GPR107: variants seen among roughly 807,000 people sequenced by gnomAD.
GPR107 encodes the protein protein GPR107.
A neutral mutation model predicts 75.5 loss-of-function variants in GPR107; 31 were observed. The ratio of observed to expected loss-of-function variants is 0.41; its 90% confidence interval spans 0.31 to 0.55. GPR107 has a LOEUF of 0.55. Among genes scored for constraint, GPR107 ranks in the 20% least tolerant of loss-of-function variants. The pLI is 0.26. For synonymous variants in GPR107, 267 were observed against 251.3 expected (o/e 1.06, Z -0.59); for missense variants, 572 against 665.7 (o/e 0.86, Z 1.55).
At chr9:130,113,771 G>A (rs1346930162) in intron 14 of GPR107, among the ~76,000 whole-genome samples, 4 of 152,138 alleles carry the variant, frequency 2.6e-5, no homozygotes, top group African/African-American at 9.7e-5. Context: ...AAAGTTCATT[G>A]ATAAATTTCA....
At chr9:130,087,600 A>C (rs1589501770) in intron 7 of GPR107, among the ~76,000 whole-genome samples, 1 of 152,100 alleles carries the variant, frequency 6.6e-6, no homozygotes, top group East Asian at 1.9e-4. Context: ...CAGGAGTTCA[A>C]GACTATCCTG....
chr9:130,094,225 A>G (rs1164648751), intron 9 of GPR107, among the ~76,000 whole-genome samples: 2 of 152,120 alleles, frequency 1.3e-5, no homozygotes, highest in Non-Finnish European at 2.9e-5. Context: ...TGGGCGGATC[A>G]TGAGGTCAGG....
rs1489695580 is a variant in GPR107 at position 130,133,890 on chromosome 9, A to G, written c.1563-1135A>G. Among the ~76,000 whole-genome samples the G allele has an allele frequency of 2.6e-5, 4 of 152,220 alleles. No individual in the cohort carries two copies. In the East Asian group the frequency reaches 5.8e-4, roughly 22 times the overall value. ...AATGAAGAGATGAAGAAGAGGGGGA[A>G]GTTTTCTTCCCTTACCCCATACAAA... On this transcript the variant is annotated intron_variant, in intron 17 of 17. Coordinates refer to ENST00000347136, the MANE Select transcript of GPR107 (RefSeq NM_020960.5).
At chr9:130,086,832 A>G (rs1405257456) in intron 7 of GPR107, among the ~76,000 whole-genome samples, 1 of 152,064 alleles carries the variant, frequency 6.6e-6, no homozygotes, top group African/African-American at 2.4e-5. Flanking sequence ...TGAAAGGACC[A>G]TTGATGATGA....
intron 4 of GPR107, among the ~76,000 whole-genome samples, chr9:130,078,945 TC>T (rs1830423644): frequency 6.6e-6 from 1 of 152,174 alleles, no homozygotes; most frequent in Non-Finnish European, 1.5e-5. Flanking sequence ...CTCTCGTGCT[TC>T]CCTGGATTTC....
At chr9:130,056,924 CAAAA>C (rs11442007) in intron 1 of GPR107, among the ~76,000 whole-genome samples, 3 of 42,896 alleles carry the variant, frequency 7.0e-5, no homozygotes, top group African/African-American at 3.5e-4. Context: ...GACTCCTTCT[CAAAA>C]AAAAAAAAAA....
Position 130,135,584 on chromosome 9 carries a change from T to G in GPR107, c.*463T>G, listed in dbSNP as rs1315636243. The G allele has an allele frequency of 6.6e-6, 1 of 152,592 alleles. No homozygotes were observed. Among genetic ancestry groups the G allele is most frequent in the Non-Finnish European group, 1.5e-5 (1 of 68,932 alleles). 9.5% of individuals were successfully genotyped at this position (152,592 alleles called of 1,614,324 possible). A position where few individuals can be genotyped will look rare whatever the true frequency, so the allele number is the denominator to read the frequency against. ...GACTTAAGAAGAAGGGCGGGGAGAG[T>G]GCCATTGCCTGTTTGGGAGACAAAA... On this transcript the variant is annotated 3_prime_UTR_variant, in exon 18 of 18. Coordinates refer to ENST00000347136, the MANE Select transcript of GPR107 (RefSeq NM_020960.5).
At position 130,124,910 on chromosome 9, in the gene GPR107, T is replaced by C; in HGVS notation, c.1307-5T>C. 6.5e-7 allele frequency: 1 copy of C among 1,545,304 alleles called. No homozygotes were observed. The highest frequency in any genetic ancestry group is 1.2e-5 in the South Asian group (1 of 84,328). ...GCTCTTCATTTTGTTCTTTCTTCTC[T>C]CTAGCTGCTATTAACTTAGCAAAGC... On this transcript the variant is annotated splice_polypyrimidine_tract_variant and splice_region_variant and intron_variant, in intron 14 of 17. Coordinates refer to ENST00000347136, the MANE Select transcript of GPR107 (RefSeq NM_020960.5).
rs534559278 is a variant in GPR107 at position 130,135,423 on chromosome 9, T to G, written c.*302T>G. The G allele has an allele frequency of 5.8e-5, 17 of 292,332 alleles. No individual in the cohort carries two copies. Among genetic ancestry groups the G allele is most frequent in the Non-Finnish European group, 9.7e-5 (15 of 155,076 alleles). The allele number at this position is 292,332 out of a possible 1,614,324, so 18.1% of individuals were successfully genotyped here. ...TTAATTTAGGTTTCTTTTTTTCTTC[T>G]TCATTTCGGAGCTCTAAGGTGTATG... On this transcript the variant is annotated 3_prime_UTR_variant, in exon 18 of 18. Transcript: ENST00000347136.
At chr9:130,055,138 T>C (rs919573079) in intron 1 of GPR107, among the ~76,000 whole-genome samples, 3 of 152,094 alleles carry the variant, frequency 2.0e-5, no homozygotes, top group Non-Finnish European at 2.9e-5. Flanking sequence ...ACCCAAACTC[T>C]TGTACATTAT....
chr9:130,076,568 A>G (rs906633233), intron 3 of GPR107, 106 bp downstream of exon 3: 20 of 767,034 alleles, frequency 2.6e-5, no homozygotes, highest in Non-Finnish European at 4.4e-5. Flanking sequence ...TTTTTGGAGT[A>G]CGGTGGCACA....
intron 14 of GPR107, among the ~76,000 whole-genome samples, chr9:130,111,128 A>G (rs970785139): frequency 6.6e-6 from 1 of 151,998 alleles, no homozygotes; most frequent in Non-Finnish European, 1.5e-5. Context: ...AAATGCTGGC[A>G]TTACAGGTGT....
At chr9:130,104,265 G>C (rs1294407619) in intron 12 of GPR107, among the ~76,000 whole-genome samples, 155 bp from the exon 13 acceptor site, 1 of 152,150 alleles carries the variant, frequency 6.6e-6, no homozygotes, top group Non-Finnish European at 1.5e-5. Context: ...TGATAGCGGA[G>C]TGGCAGAGTT....
intron 9 of GPR107, among the ~76,000 whole-genome samples, chr9:130,096,930 C>T (rs1057291570): frequency 1.3e-5 from 2 of 151,990 alleles, no homozygotes; most frequent in African/African-American, 4.8e-5. Context: ...TGATTTTTAC[C>T]TACTCCACAG....
intron 9 of GPR107, among the ~76,000 whole-genome samples, chr9:130,095,785 G>C (rs1449253376): frequency 1.3e-5 from 2 of 152,144 alleles, no homozygotes; most frequent in Non-Finnish European, 2.9e-5. Context: ...TAGTGTGCAT[G>C]GGGGAAGGTC....
At position 130,101,242 on chromosome 9, in the gene GPR107, C is replaced by T. The variant is rs766866664; in HGVS notation, c.1131+19C>T. Reference sequence around the variant, plus strand: ...ACTCCAGGTAAAAGAACCCTCATCCCATTTGTCACTTCCTTTCTTGGCGCT... The same window carrying T: ...ACTCCAGGTAAAAGAACCCTCATCCTATTTGTCACTTCCTTTCTTGGCGCT... On this transcript the variant is annotated intron_variant, in intron 12 of 17. Transcript: ENST00000347136. The T allele has an allele frequency of 4.0e-6, 5 of 1,257,618 alleles. No homozygotes were observed. Among genetic ancestry groups the T allele is most frequent in the East Asian group, 4.6e-5 (2 of 43,282 alleles). The allele number at this position is 1,257,618 out of a possible 1,614,324, so 77.9% of individuals were successfully genotyped here.
At chr9:130,116,198 A>T (rs6478947) in intron 14 of GPR107, among the ~76,000 whole-genome samples, 149,871 of 152,260 alleles carry the variant, frequency 0.98, 73,773 homozygotes, top group East Asian at 1. Flanking sequence ...GGGAATCTAG[A>T]ACTTCAGGGG....
intron 1 of GPR107, among the ~76,000 whole-genome samples, chr9:130,057,706 C>G (rs1001425227): frequency 6.6e-6 from 1 of 151,656 alleles, no homozygotes; most frequent in East Asian, 1.9e-4. Context: ...GAAATGAGTC[C>G]TCTTATATTT....
intron 1 of GPR107, 38 bp downstream of exon 1, chr9:130,054,111 G>C: frequency 7.1e-7 from 1 of 1,405,036 alleles, no homozygotes; most frequent in Non-Finnish European, 9.2e-7. Context: ...GGCGGAGGCC[G>C]AGGCCACTCC....
Sources: allele counts gnomAD v4.1 joint callset (sites outside exome capture counted in the v4.1 genomes callset), GRCh38; gene constraint gnomAD v4.1.1; transcripts MANE v1.5; gene names NCBI Gene and HGNC (gene_info 2026-07-23, HGNC 2026-07-21).